ALMS1: variants seen among roughly 807,000 people sequenced by gnomAD.
ALMS1 encodes the protein ALMS1 centrosome and basal body associated protein, also known as centrosome-associated protein ALMS1.
ALMS1 carries 271 observed loss-of-function variants against 352.2 expected under a neutral mutation model. The ratio of observed to expected loss-of-function variants is 0.77; its 90% CI spans 0.70 to 0.85. The LOEUF (loss-of-function observed/expected upper bound fraction) is 0.85, where lower values mean the gene tolerates loss of function less well. Among genes scored for constraint, ALMS1 ranks in the 40% least tolerant of loss-of-function variants. The pLI is 0.00. For missense variants in ALMS1, 5,445 were observed against 4,870.7 expected (o/e 1.12, Z -3.51); for synonymous variants, 1,865 against 1,761.2 (o/e 1.06, Z -1.48).
intron 9 of ALMS1, among the ~76,000 whole-genome samples, chr2:73,471,929 CAAGATATATAAACA>C (rs1558659446): frequency 2.0e-5 from 3 of 151,776 alleles, no homozygotes; most frequent in Non-Finnish European, 4.4e-5. Context: ...TCACAGTAGC[CAAGATATATAAACA>C]AGATGTATAA....
intron 1 of ALMS1, among the ~76,000 whole-genome samples, chr2:73,399,687 T>C (rs931201223): frequency 7.2e-5 from 11 of 152,116 alleles, no homozygotes; most frequent in Admixed American, 3.3e-4. Flanking sequence ...GGGACAGATA[T>C]CCAAATCATA....
intron 2 of ALMS1, among the ~76,000 whole-genome samples, chr2:73,413,025 A>G (rs1222830579): frequency 6.9e-6 from 1 of 145,700 alleles, no homozygotes; most frequent in East Asian, 2.0e-4. Context: ...ACCCTAGGAG[A>G]TGTATTATTG....
At chr2:73,603,341 A>G in intron 21 of ALMS1, 37 bp downstream of exon 21, 2 of 1,600,122 alleles carry the variant, frequency 1.2e-6, no homozygotes, top group Non-Finnish European at 1.7e-6. Flanking sequence ...ATACAAGTGT[A>G]AACCAGGCCA....
At chr2:73,426,895 T>A (rs1671391706) in intron 6 of ALMS1, among the ~76,000 whole-genome samples, 1 of 152,254 alleles carries the variant, frequency 6.6e-6, no homozygotes, top group African/African-American at 2.4e-5. Flanking sequence ...AATACTTTAT[T>A]TGAAAAATTA....
At chr2:73,575,757 C>T (rs1198435137) in intron 16 of ALMS1, among the ~76,000 whole-genome samples, 1 of 152,070 alleles carries the variant, frequency 6.6e-6, no homozygotes, top group East Asian at 1.9e-4. Flanking sequence ...CAAATATTTT[C>T]TCCCATTTTG....
chr2:73,451,984 G>A lies in ALMS1; in HGVS notation c.5457G>A (p.Glu1819=), dbSNP rs886038613. 1 of 1,613,440 alleles carries A rather than the reference G, an allele frequency of 6.2e-7. No individual in the cohort carries two copies. The highest frequency in any genetic ancestry group is 8.5e-7 in the Non-Finnish European group (1 of 1,179,718). ...REKPIVSYQR[E]LPHFTEAGLK... is the part of the protein sequence containing the mutation. ...AGCCCATTGTTTCCTACCAGCGAGA[G>A]TTGCCGCATTTTACTGAAGCAGGTT... The change falls in exon 8 of 23, where the codon GAG becomes GAA. Residue 1819 remains glutamate, a synonymous_variant. Coordinates refer to ENST00000613296, the MANE Select transcript of ALMS1 (RefSeq NM_001378454.1).
intron 9 of ALMS1, among the ~76,000 whole-genome samples, chr2:73,483,109 T>G (rs1178285767): frequency 1.4e-5 from 2 of 147,168 alleles, no homozygotes; most frequent in Non-Finnish European, 3.0e-5. Flanking sequence ...TCTTGCCTTC[T>G]GCTAGCTTTT....
At chr2:73,386,305 G>C in intron 1 of ALMS1, 113 bp downstream of exon 1, 1 of 1,378,200 alleles carries the variant, frequency 7.3e-7, no homozygotes, top group Non-Finnish European at 9.5e-7. Flanking sequence ...AACGCGCGCA[G>C]CTGAGGCTAG....
chr2:73,519,022 T>C (rs1057219749), intron 10 of ALMS1, among the ~76,000 whole-genome samples: 10 of 152,224 alleles, frequency 6.6e-5, no homozygotes, highest in Non-Finnish European at 8.8e-5. Flanking sequence ...TGGTATTGTC[T>C]AGGTTGCATA....
chr2:73,437,367 T>C (rs967629703), intron 7 of ALMS1, among the ~76,000 whole-genome samples: 2 of 152,218 alleles, frequency 1.3e-5, no homozygotes, highest in Non-Finnish European at 2.9e-5. Context: ...GAGTGGACCC[T>C]CACTCCACCT....
At position 73,444,890 on chromosome 2, in the gene ALMS1, C is replaced by G. The variant is rs574632582; in HGVS notation, c.1433-3070C>G. ...TAACTGAGGGATTAACGAAATACAA[C>G]ACAATTATAATTATTTAGTTATCAA... On this transcript the variant is annotated intron_variant, in intron 7 of 22. Transcript: ENST00000613296. Among the ~76,000 whole-genome samples, 58 of 152,082 alleles carry G rather than the reference C, an allele frequency of 3.8e-4. 1 individual carries two copies. The highest frequency in any genetic ancestry group is 1.4e-3 in the African/African-American group (57 of 41,498).
intron 9 of ALMS1, among the ~76,000 whole-genome samples, chr2:73,480,783 T>C (rs1169580555): frequency 1.3e-5 from 2 of 151,532 alleles, no homozygotes; most frequent in African/African-American, 4.9e-5. Flanking sequence ...TGGTGTGAGA[T>C]GGTATCTCAT....
At chr2:73,433,876 GCTAT>G (rs1484019392) in intron 7 of ALMS1, among the ~76,000 whole-genome samples, 4 of 151,992 alleles carry the variant, frequency 2.6e-5, no homozygotes, top group Non-Finnish European at 5.9e-5. Flanking sequence ...ATTTAGCTAG[GCTAT>G]CTGTTTACAT....
rs1372052137 is a variant in ALMS1, at chr2:73,452,291, G to T, written c.5764G>T (p.Val1922Phe). ...DVTEEALNVF[V>F]VPGQGDRKTE... ...TACTGAAGAAGCTTTAAATGTTTTT[G>T]TTGTTCCTGGACAAGGTGACCGGAA... The change falls in exon 8 of 23, where the codon GTT (valine) becomes TTT (phenylalanine). Residue 1922 changes from valine to phenylalanine, a missense_variant. Transcript: ENST00000613296. The T allele has an allele frequency of 6.2e-7, 1 of 1,614,028 alleles. No homozygotes were observed. Among genetic ancestry groups the T allele is most frequent in the East Asian group, 2.2e-5 (1 of 44,872 alleles).
intron 15 of ALMS1, among the ~76,000 whole-genome samples, chr2:73,568,577 C>T (rs1445851125): frequency 2.0e-5 from 3 of 152,108 alleles, no homozygotes; most frequent in African/African-American, 7.2e-5. Flanking sequence ...TTTTACTCTA[C>T]TTGGCAGGAA....
intron 1 of ALMS1, 77 bp downstream of exon 1, chr2:73,386,269 C>T (rs1670528422): frequency 7.1e-7 from 1 of 1,415,598 alleles, no homozygotes; most frequent in Non-Finnish European, 9.2e-7. Flanking sequence ...TCCGCCCGCC[C>T]GCAGGTCACG....
intron 17 of ALMS1, among the ~76,000 whole-genome samples, chr2:73,600,057 G>A (rs1303995811): frequency 6.6e-6 from 1 of 152,160 alleles, no homozygotes; most frequent in Non-Finnish European, 1.5e-5. Context: ...TCCAAGGCAT[G>A]TAATTGATTT....
At position 73,451,217 on chromosome 2, in the gene ALMS1, C is replaced by G; in HGVS notation, c.4690C>G (p.Pro1564Ala). 6.2e-7 allele frequency: 1 copy of G among 1,612,226 alleles called. No individual in the cohort carries two copies. Among genetic ancestry groups the G allele is most frequent in the Non-Finnish European group, 8.5e-7 (1 of 1,179,422 alleles). Residue 1564 changes from proline to alanine, a missense_variant, in exon 8 of 23, where the codon CCA becomes GCA. Pro to Ala is a conservative substitution (Grantham distance 27). Coordinates refer to ENST00000613296, the MANE Select transcript of ALMS1 (RefSeq NM_001378454.1). Reference sequence around the variant, plus strand: ...ACCAGCTGACCAGACAACTGGCATACCAACCATAACCTCTACTTCCTACTC... The same window carrying G: ...ACCAGCTGACCAGACAACTGGCATAGCAACCATAACCTCTACTTCCTACTC... ...PGPADQTTGI[P>A]TITSTSYSFG...
intron 6 of ALMS1, among the ~76,000 whole-genome samples, chr2:73,427,524 CAT>C (rs1338161411): frequency 6.6e-6 from 1 of 151,558 alleles, no homozygotes; most frequent in Non-Finnish European, 1.5e-5. Context: ...TTCTGGGGCA[CAT>C]GTGCAGAACG....
Sources: allele counts gnomAD v4.1 joint callset (sites outside exome capture counted in the v4.1 genomes callset), GRCh38; gene constraint gnomAD v4.1.1; transcripts MANE v1.5; gene names NCBI Gene and HGNC (gene_info 2026-07-23, HGNC 2026-07-21).